PTPRM: variants seen among roughly 807,000 people sequenced by gnomAD.
PTPRM encodes receptor-type tyrosine-protein phosphatase mu.
In PTPRM, 47 loss-of-function variants were observed where a neutral mutation model predicts 186.7. The observed-to-expected ratio is 0.25, with a 90% confidence interval of 0.20 to 0.32. The LOEUF is 0.32. Among genes scored for constraint, PTPRM ranks in the 10% least tolerant of loss-of-function variants. The pLI is 1.00. For missense variants in PTPRM, 1,494 were observed against 1,865.0 expected, an observed-to-expected ratio of 0.80 and a Z score of 3.66; for synonymous variants, 668 against 674.9, an observed-to-expected ratio of 0.99 and a Z score of 0.16.
chr18:7,600,482 C>T (rs183467620), intron 1 of PTPRM, among the ~76,000 whole-genome samples: 3 of 152,326 alleles, frequency 2.0e-5, no homozygotes, highest in African/African-American at 7.2e-5. Context: ...ACTGACTTTA[C>T]TTGCAAATGC....
At position 8,233,160 on chromosome 18, in the gene PTPRM, C is replaced by T. The variant is rs529402972; in HGVS notation, c.2301-10898C>T. On this transcript the variant is annotated intron_variant, in intron 14 of 32. Transcript: ENST00000580170. ...GCCTCCAGTGGAATGCTGAGCTAGT[C>T]ACAATCCCTTTGCCGGCACACTACA... 3.9e-5 allele frequency among the ~76,000 whole-genome samples: 6 copies of T among 152,318 alleles called. No individual in the cohort carries two copies. In the South Asian group the frequency reaches 6.2e-4, roughly 16 times the overall value.
chr18:7,954,081 C>A (rs1439043783), intron 6 of PTPRM, among the ~76,000 whole-genome samples: 2 of 152,122 alleles, frequency 1.3e-5, no homozygotes, highest in Non-Finnish European at 2.9e-5. Flanking sequence ...TGTGTGGTAT[C>A]ACCCACAGTG....
chr18:8,170,857 T>C (rs921016781), intron 14 of PTPRM, among the ~76,000 whole-genome samples: 2 of 152,226 alleles, frequency 1.3e-5, no homozygotes, highest in Admixed American at 6.5e-5. Context: ...CATTTGAAGA[T>C]GGTATAGACT....
At chr18:8,342,827 A>C (rs2095482601) in intron 22 of PTPRM, among the ~76,000 whole-genome samples, 1 of 152,184 alleles carries the variant, frequency 6.6e-6, no homozygotes, top group Non-Finnish European at 1.5e-5. Context: ...CCAAGAGCTA[A>C]GGAAGTAGAT....
At chr18:8,051,791 G>T in intron 7 of PTPRM, among the ~76,000 whole-genome samples, 1 of 152,090 alleles carries the variant, frequency 6.6e-6, no homozygotes, top group East Asian at 1.9e-4. Flanking sequence ...TGCTGGTAAA[G>T]ACATTTCTGC....
intron 4 of PTPRM, among the ~76,000 whole-genome samples, chr18:7,913,354 T>G (rs749362090): frequency 5.3e-5 from 8 of 152,180 alleles, no homozygotes; most frequent in Non-Finnish European, 8.8e-5. Context: ...TTGCCATGGC[T>G]AAAACCTCCA....
chr18:8,396,376 A>T (rs1334416104), intron 32 of PTPRM, among the ~76,000 whole-genome samples: 5 of 152,190 alleles, frequency 3.3e-5, no homozygotes, highest in Non-Finnish European at 7.3e-5. Context: ...ATCAAAAAAA[A>T]TGTCACTTCC....
chr18:7,799,587 T>C (rs1467783007), intron 2 of PTPRM, among the ~76,000 whole-genome samples: 1 of 152,236 alleles, frequency 6.6e-6, no homozygotes, highest in African/African-American at 2.4e-5. Flanking sequence ...AATTGAGGCA[T>C]GAATATATAT....
At chr18:8,252,348 A>G in intron 17 of PTPRM, 140 bp from the exon 18 acceptor site, 1 of 738,636 alleles carries the variant, frequency 1.4e-6, no homozygotes, top group Non-Finnish European at 2.4e-6. Context: ...TCGCCCTCTG[A>G]CCACCTCTGA....
chr18:7,630,830 A>G (rs966899270), intron 1 of PTPRM, among the ~76,000 whole-genome samples: 1 of 152,210 alleles, frequency 6.6e-6, no homozygotes, highest in Non-Finnish European at 1.5e-5. Context: ...TAAGATAAAC[A>G]CAGACACCAT....
chr18:7,899,352 A>G (rs1258469998), intron 3 of PTPRM, among the ~76,000 whole-genome samples: 1 of 152,240 alleles, frequency 6.6e-6, no homozygotes, highest in African/African-American at 2.4e-5. Context: ...CGCAGATACC[A>G]TGAAAGCTTT....
intron 13 of PTPRM, chr18:8,121,880 C>T (rs2092187441): frequency 6.6e-6 from 1 of 152,176 alleles, no homozygotes; most frequent in Non-Finnish European, 1.5e-5. Flanking sequence ...TCTTTCAGCA[C>T]CACACTCAAT....
chr18:8,172,192 T>C (rs1299574116), intron 14 of PTPRM, among the ~76,000 whole-genome samples: 1 of 151,830 alleles, frequency 6.6e-6, no homozygotes, highest in Non-Finnish European at 1.5e-5. Flanking sequence ...GCCTCACAAT[T>C]ATGGCGGAAG....
intron 1 of PTPRM, among the ~76,000 whole-genome samples, chr18:7,706,621 A>C (rs904740263): frequency 8.0e-5 from 12 of 149,750 alleles, no homozygotes; most frequent in African/African-American, 1.7e-4. Flanking sequence ...AAAAAAAAAA[A>C]AAAAAAAAAC....
chr18:7,764,374 C>T (rs1280450138), intron 1 of PTPRM, among the ~76,000 whole-genome samples: 1 of 152,172 alleles, frequency 6.6e-6, no homozygotes, highest in Non-Finnish European at 1.5e-5. Flanking sequence ...CATAAACACA[C>T]ATAGGATGGT....
chr18:8,206,268 A>ATTTTATTTTTTTTTTTTTTTTTTTT (rs1238112461), intron 14 of PTPRM, among the ~76,000 whole-genome samples: 2 of 148,986 alleles, frequency 1.3e-5, no homozygotes, highest in African/African-American at 5.2e-5. Context: ...ATTTTATTTT[A>ATTTTATTTTTTTTTTTTTTTTTTTT]TTTTGAGACG....
chr18:7,600,608 C>G (rs1175365784), intron 1 of PTPRM, among the ~76,000 whole-genome samples: 1 of 152,238 alleles, frequency 6.6e-6, no homozygotes, highest in African/African-American at 2.4e-5. Context: ...TGCGTTGTCT[C>G]TACCCGCTCC....
At chr18:7,672,036 T>C (rs535104460) in intron 1 of PTPRM, among the ~76,000 whole-genome samples, 7 of 152,352 alleles carry the variant, frequency 4.6e-5, no homozygotes, top group South Asian at 4.1e-4. Context: ...AATTGAAAGA[T>C]AATCTGTGGC....
At chr18:7,608,761 C>T (rs912370337) in intron 1 of PTPRM, among the ~76,000 whole-genome samples, 4 of 152,202 alleles carry the variant, frequency 2.6e-5, no homozygotes, top group Non-Finnish European at 5.9e-5. Context: ...CTGCCCACAG[C>T]TGTCTTCGGG....
Sources: allele counts gnomAD v4.1 joint callset (sites outside exome capture counted in the v4.1 genomes callset), GRCh38; gene constraint gnomAD v4.1.1; transcripts MANE v1.5; gene names NCBI Gene and HGNC (gene_info 2026-07-23, HGNC 2026-07-21).